The following GOLGA8M variants were observed in gnomAD, a reference collection of about 807,000 sequenced individuals.
GOLGA8M encodes the protein golgin A8 family member M, also known as golgin subfamily A member 8M.
GOLGA8M carries 34 observed loss-of-function variants against 87.7 expected under a neutral mutation model. The observed-to-expected ratio is 0.39, with a 90% CI of 0.29 to 0.52. The LOEUF (loss-of-function observed/expected upper bound fraction) is 0.52, where lower values mean the gene tolerates loss of function less well. Among genes scored for constraint, GOLGA8M ranks in the 20% least tolerant of loss-of-function variants. The probability of loss-of-function intolerance (pLI) is 0.80; values close to 1 mark genes in which losing one functional copy is unlikely to be tolerated. For synonymous variants in GOLGA8M, 138 were observed against 250.2 expected (o/e 0.55, Z 4.23); for missense variants, 396 against 682.2 (o/e 0.58, Z 4.67).
At chr15:28,713,331 C>T (rs1026321841), upstream of GOLGA8M, among the ~76,000 whole-genome samples, 228 of 151,076 alleles carry the variant, frequency 1.5e-3, 2 homozygotes, top group African/African-American at 5.4e-3. Context: ...AGCAAGACTC[C>T]ATCTCAATTA....
rs1423783058 is a variant in GOLGA8M at position 28,701,620 on chromosome 15, AC to A, written c.*333del. ...AAAAAAGCATGGCAGCCTATTCCAA[AC>A]CAGCGAGAACAGTTTTGGGCAAAGA... On this transcript the variant is annotated 3_prime_UTR_variant, in exon 19 of 19. Coordinates refer to ENST00000563027, the MANE Select transcript of GOLGA8M (RefSeq NM_001282468.3). Among the ~76,000 whole-genome samples the A allele has an allele frequency of 6.6e-6, 1 of 151,902 alleles. No individual in the cohort carries two copies. The highest frequency in any genetic ancestry group is 2.4e-5 in the African/African-American group (1 of 41,304).
upstream of GOLGA8M, among the ~76,000 whole-genome samples, chr15:28,713,158 T>C (rs2080236796): frequency 6.6e-6 from 1 of 151,118 alleles, no homozygotes; most frequent in South Asian, 2.1e-4. Context: ...GCTAACACGG[T>C]GAAACCCCAT....
intron 18 of GOLGA8M, 25 bp downstream of exon 18, chr15:28,702,189 C>T (rs760501797): frequency 1.3e-6 from 2 of 1,589,122 alleles, no homozygotes; most frequent in South Asian, 1.1e-5. Flanking sequence ...CCTGCCTGCC[C>T]ACACCACCTG....
rs1270469283 is a variant in GOLGA8M at position 28,701,784 on chromosome 15, ACT to A, written c.*168_*169del. Among the ~76,000 whole-genome samples the A allele has an allele frequency of 6.6e-6, 1 of 151,712 alleles. No individual in the cohort carries two copies. Among genetic ancestry groups the A allele is most frequent in the East Asian group, 1.9e-4 (1 of 5,160 alleles). The stretch of plus-strand genomic sequence containing the variant: ...ACATCAGTGAGAGCCACAGACACCC[ACT>A]CTCTTTTAACTTTTTACAAATAAAC... On this transcript the variant is annotated 3_prime_UTR_variant, in exon 19 of 19. Transcript: ENST00000563027.
chr15:28,702,860 C>G, intron 15 of GOLGA8M, 115 bp from the exon 16 acceptor site: 1 of 1,550,082 alleles, frequency 6.5e-7, no homozygotes, highest in Non-Finnish European at 8.6e-7. Flanking sequence ...TCCGTGACTT[C>G]CTGCAGGGCC....
At position 28,702,528 on chromosome 15, in the gene GOLGA8M, G is replaced by C. The variant is rs2003233; in HGVS notation, c.1504C>G (p.Arg502Gly). The change falls in exon 17 of 19, where the codon CGT becomes GGT. Residue 502 changes from arginine to glycine, a missense_variant. Transcript: ENST00000563027. ...IHHLLSEPGG[R>G]AKDAALGGGH... Reference sequence around the variant, plus strand: ...CCTCCCAGTGCCGCATCTTTGGCACGGCCCCCTGGTTCTGATAAAAGGTGA... The same window carrying C: ...CCTCCCAGTGCCGCATCTTTGGCACCGCCCCCTGGTTCTGATAAAAGGTGA... The C allele has an allele frequency of 2.5e-6, 4 of 1,597,350 alleles. No individual in the cohort carries two copies. In the South Asian group the frequency reaches 3.3e-5, roughly 13 times the overall value.
At chr15:28,713,211 G>C (rs1385183394), upstream of GOLGA8M, among the ~76,000 whole-genome samples, 3 of 150,946 alleles carry the variant, frequency 2.0e-5, no homozygotes, top group South Asian at 4.2e-4. Flanking sequence ...GTGGCAGGCA[G>C]CTGTAGTCTC....
chr15:28,707,679 G>T (rs948283974), intron 8 of GOLGA8M, 69 bp downstream of exon 8: 1 of 1,458,110 alleles, frequency 6.9e-7, no homozygotes, highest in Non-Finnish European at 9.3e-7. Flanking sequence ...CTGCAGAAGG[G>T]ACCTTTAGGC....
At chr15:28,712,075 G>T in intron 1 of GOLGA8M, 1 of 984,032 alleles carries the variant, frequency 1.0e-6, no homozygotes, top group Non-Finnish European at 1.2e-6. Context: ...TCACCCTGGG[G>T]TGATTGGCGA....
chr15:28,708,065 G>A (rs1425785499), intron 6 of GOLGA8M, 28 bp from the exon 7 acceptor site: 1 of 1,606,534 alleles, frequency 6.2e-7, no homozygotes, highest in South Asian at 1.1e-5. Flanking sequence ...AGCAAGTGCT[G>A]AAAGAGAAGG....
At chr15:28,710,163 A>C (rs2080156269) in intron 2 of GOLGA8M, among the ~76,000 whole-genome samples, 2 of 143,330 alleles carry the variant, frequency 1.4e-5, no homozygotes, top group African/African-American at 5.3e-5. Flanking sequence ...TGCAAGCTCC[A>C]CCTCCCAGGT....
rs536844014 is a variant in GOLGA8M, at chr15:28,707,095, C to T, written c.592-396G>A. On this transcript the variant is annotated intron_variant, in intron 8 of 18. Coordinates refer to ENST00000563027, the MANE Select transcript of GOLGA8M (RefSeq NM_001282468.3). Reference sequence around the variant, plus strand: ...AACATGGAGTATTTGAGGTTAAGTGCTTGCCTAAGTTCACTTAGGCAGAGC... The same window carrying T: ...AACATGGAGTATTTGAGGTTAAGTGTTTGCCTAAGTTCACTTAGGCAGAGC... Among the ~76,000 whole-genome samples, 655 of 135,528 alleles carry T rather than the reference C, an allele frequency of 4.8e-3. 37 individuals are homozygous for T. The highest frequency in any genetic ancestry group is 7.0e-3 in the Non-Finnish European group (474 of 67,416). 88.9% of individuals were successfully genotyped at this position (135,528 alleles called of 152,430 possible). A position where few individuals can be genotyped will look rare whatever the true frequency, so the allele number is the denominator to read the frequency against.
At chr15:28,704,339 C>T (rs2079937785) in intron 13 of GOLGA8M, among the ~76,000 whole-genome samples, 1 of 147,258 alleles carries the variant, frequency 6.8e-6, no homozygotes, top group African/African-American at 2.5e-5. Flanking sequence ...GGGGCTCTGT[C>T]AGCTGCCCAG....
intron 6 of GOLGA8M, 42 bp from the exon 7 acceptor site, chr15:28,708,079 G>C (rs1381692291): frequency 1.2e-6 from 2 of 1,608,848 alleles, no homozygotes; most frequent in Non-Finnish European, 1.7e-6. Context: ...GAGAAGGAAA[G>C]AAACATTCTC....
rs916592823 is a variant in GOLGA8M, at chr15:28,701,931, C to T, written c.*23G>A. The T allele has an allele frequency of 3.1e-6, 5 of 1,597,718 alleles. 1 individual carries two copies. The African/African-American group carries it at 6.7e-5, about 21-fold the overall frequency. Reference sequence around the variant, plus strand: ...GTTTCTTATTTAAAAATTTCTTGAGCAGCTCTTTGAGGATGGTGATGTTTA... The same window carrying T: ...GTTTCTTATTTAAAAATTTCTTGAGTAGCTCTTTGAGGATGGTGATGTTTA... On this transcript the variant is annotated 3_prime_UTR_variant, in exon 19 of 19. Coordinates refer to ENST00000563027, the MANE Select transcript of GOLGA8M (RefSeq NM_001282468.3).
At chr15:28,702,188 C>T (rs1268155284) in intron 18 of GOLGA8M, 26 bp downstream of exon 18, 3 of 1,588,976 alleles carry the variant, frequency 1.9e-6, no homozygotes, top group African/African-American at 2.7e-5. Context: ...TCCTGCCTGC[C>T]CACACCACCT....
chr15:28,710,290 G>T (rs2080159635), intron 2 of GOLGA8M, among the ~76,000 whole-genome samples, 197 bp downstream of exon 2: 1 of 152,142 alleles, frequency 6.6e-6, no homozygotes, highest in Non-Finnish European at 1.5e-5. Context: ...TGTTAACCAG[G>T]ATGGTCTCTA....
intron 8 of GOLGA8M, among the ~76,000 whole-genome samples, chr15:28,706,914 A>G (rs2080049885): frequency 6.9e-6 from 1 of 144,198 alleles, no homozygotes; most frequent in African/African-American, 2.6e-5. Context: ...AGGCCCAGAG[A>G]GATCAGATAA....
Position 28,711,745 on chromosome 15 carries a change from G to A in GOLGA8M, c.48+531C>T, listed in dbSNP as rs1190042182. ...ACATTCCACTCCTCCTGGTCGGGGG[G>A]AGGGACCATGTCAGCACCATGTCTA... On this transcript the variant is annotated intron_variant, in intron 1 of 18. Coordinates refer to ENST00000563027, the MANE Select transcript of GOLGA8M (RefSeq NM_001282468.3). The A allele has an allele frequency of 4.1e-6, 4 of 984,986 alleles. No homozygotes were observed. The South Asian group carries it at 1.4e-4, about 35-fold the overall frequency. 61.0% of individuals were successfully genotyped at this position (984,986 alleles called of 1,614,324 possible).
Sources: gnomAD v4.1 joint callset for allele counts (sites outside exome capture counted in the v4.1 genomes callset) on GRCh38, gnomAD v4.1.1 for gene constraint, MANE v1.5 for transcripts, NCBI Gene and HGNC (gene_info 2026-07-23, HGNC 2026-07-21) for gene names.